Variants in RXRA observed in about 807,000 individuals in gnomAD.
The protein encoded by RXRA is retinoic acid receptor RXR-alpha.
RXRA carries 5 observed loss-of-function variants against 44.5 expected under a neutral mutation model. The observed-to-expected ratio is 0.11, with a 90% CI of 0.06 to 0.24. RXRA has a LOEUF of 0.24. Among genes scored for constraint, RXRA ranks in the 10% least tolerant of loss-of-function variants. RXRA has a pLI of 1.00. For synonymous variants in RXRA, 291 were observed against 271.4 expected (o/e 1.07, Z -0.71); for missense variants, 412 against 646.5 (o/e 0.64, Z 3.93).
intron 1 of RXRA, among the ~76,000 whole-genome samples, chr9:134,329,803 G>A (rs1177639591): frequency 3.9e-5 from 6 of 151,974 alleles, no homozygotes; most frequent in Non-Finnish European, 7.3e-5. Context: ...GTGGCTGTGT[G>A]GGAGGTCGCT....
At chr9:134,337,379 G>T (rs1333849430) in intron 1 of RXRA, among the ~76,000 whole-genome samples, 1 of 152,232 alleles carries the variant, frequency 6.6e-6, no homozygotes, top group African/African-American at 2.4e-5. Flanking sequence ...AGGCCCAGTA[G>T]AGCCAGGCTT....
intron 1 of RXRA, among the ~76,000 whole-genome samples, chr9:134,327,266 C>A (rs1235768415): frequency 2.6e-5 from 4 of 152,116 alleles, no homozygotes; most frequent in African/African-American, 7.2e-5. Flanking sequence ...GAAATGGGGC[C>A]CCTCACTCTG....
chr9:134,423,647 C>T, intron 6 of RXRA: 2 of 985,490 alleles, frequency 2.0e-6, no homozygotes, highest in South Asian at 9.4e-5. Flanking sequence ...TCTGGTGGGT[C>T]CTTGCCCCTC....
chr9:134,369,010 GTGT>G (rs1166204307), intron 1 of RXRA, among the ~76,000 whole-genome samples: 7 of 92,338 alleles, frequency 7.6e-5, no homozygotes, highest in Non-Finnish European at 1.2e-4. Context: ...GTGTGTGTGT[GTGT>G]GGGGGGGGTT....
At position 134,405,213 on chromosome 9, in the gene RXRA, C is replaced by T. The variant is rs971783839; in HGVS notation, c.280-2936C>T. The T allele has an allele frequency of 7.2e-5, 11 of 152,402 alleles. No homozygotes were observed. In the East Asian group the frequency reaches 7.7e-4, roughly 11 times the overall value. 9.4% of individuals were successfully genotyped at this position (152,402 alleles called of 1,614,324 possible). A position where few individuals can be genotyped will look rare whatever the true frequency, so the allele number is the denominator to read the frequency against. On this transcript the variant is annotated intron_variant, in intron 2 of 9. Transcript: ENST00000481739. ...GGGGCTGGAAGGGCGGAAGAACGCC[C>T]GCCTGGCCTCCCCATCCTGGCACAG...
intron 1 of RXRA, 97 bp downstream of exon 1, chr9:134,326,756 C>G (rs1554746088): frequency 4.4e-6 from 1 of 229,220 alleles, no homozygotes; most frequent in African/African-American, 2.5e-5. Flanking sequence ...CGCGGGGGGT[C>G]GCCGGCCCGG....
intron 1 of RXRA, chr9:134,379,624 C>G: frequency 1.0e-6 from 1 of 985,256 alleles, no homozygotes; most frequent in Non-Finnish European, 1.2e-6. Flanking sequence ...AGGGTCTCAC[C>G]CTCCTGCTCC....
At chr9:134,388,048 C>G (rs2093971156) in intron 1 of RXRA, among the ~76,000 whole-genome samples, 2 of 152,086 alleles carry the variant, frequency 1.3e-5, no homozygotes, top group South Asian at 4.2e-4. Context: ...CCATGGTGAC[C>G]ACAGAGAGGC....
chr9:134,421,793 C>G lies in RXRA; in HGVS notation c.898C>G (p.Leu300Val). 1 of 1,612,802 alleles carries G rather than the reference C, an allele frequency of 6.2e-7. No homozygotes were observed. The highest frequency in any genetic ancestry group is 1.3e-5 in the African/African-American group (1 of 75,014). Reference sequence around the variant, plus strand: ...GCTGCCCCTGGACGACCAGGTCATCCTGCTGCGGGCAGGTGAGTGGCGAGG... The same window carrying G: ...GCTGCCCCTGGACGACCAGGTCATCGTGCTGCGGGCAGGTGAGTGGCGAGG... Reference protein sequence around the residue: ...SELPLDDQVILLRAGWNELLI... With the variant: ...SELPLDDQVIVLRAGWNELLI... Residue 300 changes from leucine (L) to valine (V), a missense_variant, in exon 6 of 10, where the codon CTG becomes GTG. Leu to Val is a conservative substitution (Grantham distance 32). Transcript: ENST00000481739.
chr9:134,378,204 C>T (rs139937704), intron 1 of RXRA, among the ~76,000 whole-genome samples: 78 of 152,374 alleles, frequency 5.1e-4, no homozygotes, highest in African/African-American at 6.0e-4. Flanking sequence ...CAGGCCACCC[C>T]GGCTGCTTCC....
intron 1 of RXRA, among the ~76,000 whole-genome samples, chr9:134,392,569 C>T (rs899996718): frequency 2.6e-5 from 4 of 152,202 alleles, no homozygotes; most frequent in African/African-American, 9.7e-5. Context: ...CTGGCTTCCT[C>T]CTTGGCGCTG....
chr9:134,385,712 C>T (rs186552359), intron 1 of RXRA, among the ~76,000 whole-genome samples: 1 of 152,380 alleles, frequency 6.6e-6, no homozygotes, highest in East Asian at 1.9e-4. Context: ...AGGACAGGCA[C>T]CCTGCATCCG....
intron 1 of RXRA, among the ~76,000 whole-genome samples, chr9:134,392,482 T>C (rs1183918536): frequency 6.6e-6 from 1 of 152,182 alleles, no homozygotes; most frequent in Non-Finnish European, 1.5e-5. Context: ...CAGGAGCTCC[T>C]TTTTGGGAAC....
chr9:134,425,011 A>G lies in RXRA; in HGVS notation c.910+3206A>G, dbSNP rs1298094036. Reference sequence around the variant, plus strand: ...GAGGTCACTTCCGCTGGGCGACAGCAACGATGGGAATGGGTGCCCAGACCT... The same window carrying G: ...GAGGTCACTTCCGCTGGGCGACAGCGACGATGGGAATGGGTGCCCAGACCT... On this transcript the variant is annotated intron_variant, in intron 6 of 9. Transcript: ENST00000481739. The G allele has an allele frequency of 9.1e-6, 9 of 985,314 alleles. No individual in the cohort carries two copies. The African/African-American group carries it at 1.6e-4, about 17-fold the overall frequency. The allele number at this position is 985,314 out of a possible 1,614,324, so 61.0% of individuals were successfully genotyped here.
At chr9:134,432,300 C>G (rs1426211643) in intron 8 of RXRA, among the ~76,000 whole-genome samples, 2 of 152,240 alleles carry the variant, frequency 1.3e-5, no homozygotes, top group African/African-American at 2.4e-5. Context: ...GCGTCGGAAT[C>G]CAGACTCCGA....
chr9:134,330,206 C>T (rs1305196604), intron 1 of RXRA, among the ~76,000 whole-genome samples: 1 of 152,244 alleles, frequency 6.6e-6, no homozygotes, highest in Non-Finnish European at 1.5e-5. Context: ...CCAGCTGGCT[C>T]AGGGCTGGGA....
intron 1 of RXRA, among the ~76,000 whole-genome samples, chr9:134,356,220 G>A (rs889024480): frequency 6.6e-6 from 1 of 152,166 alleles, no homozygotes; most frequent in Non-Finnish European, 1.5e-5. Context: ...AGCCCTGCAA[G>A]GGAGGGGAAC....
In RXRA at chr9:134,343,217, C is replaced by G. The variant is rs555531579; in HGVS notation, c.28+16558C>G. ...GCGTGTCTCTCTCTCTGAGTGTCGA[C>G]TTTCTCATCTGTGACGTGGGGTGAG... On this transcript the variant is annotated intron_variant, in intron 1 of 9. Transcript: ENST00000481739. The surrounding 1 kb of genome is among the most constrained non-coding windows in gnomAD (Gnocchi z 4.1). Among the ~76,000 whole-genome samples the G allele has an allele frequency of 4.9e-4, 74 of 152,284 alleles. No homozygotes were observed. Among genetic ancestry groups the G allele is most frequent in the African/African-American group, 1.8e-3 (73 of 41,566 alleles).
intron 1 of RXRA, among the ~76,000 whole-genome samples, chr9:134,352,666 A>G (rs1830235893): frequency 1.3e-5 from 2 of 152,214 alleles, no homozygotes; most frequent in South Asian, 4.1e-4. Flanking sequence ...ACAGAGGGTC[A>G]GCTGCCCCAA....
Sources: allele counts gnomAD v4.1 joint callset (sites outside exome capture counted in the v4.1 genomes callset), GRCh38; gene constraint gnomAD v4.1.1; non-coding constraint Gnocchi (gnomAD v3.1); transcripts MANE v1.5; gene names NCBI Gene and HGNC (gene_info 2026-07-23, HGNC 2026-07-21).